Variants in RCL1 observed in about 807,000 individuals in gnomAD.
RCL1 encodes RNA terminal phosphate cyclase like 1, also known as RNA 3'-terminal phosphate cyclase-like protein.
In RCL1, 24 loss-of-function variants were observed where a neutral mutation model predicts 42.4. That is an observed-to-expected ratio of 0.57 (90% CI 0.41 to 0.80). The LOEUF is 0.80. RCL1 is among the 30% of genes least tolerant of loss of function. The probability of loss-of-function intolerance (pLI) is 0.00; values close to 1 mark genes in which losing one functional copy is unlikely to be tolerated. For missense variants in RCL1, 578 were observed against 467.9 expected, an observed-to-expected ratio of 1.24 and a Z score of -2.17; for synonymous variants, 228 against 177.3, an observed-to-expected ratio of 1.29 and a Z score of -2.27.
At chr9:4,840,965 G>A (rs993769067) in intron 5 of RCL1, among the ~76,000 whole-genome samples, 2 of 152,084 alleles carry the variant, frequency 1.3e-5, no homozygotes, top group South Asian at 4.1e-4. Flanking sequence ...TAGGGGAAGC[G>A]TGTGGGTAGG....
In RCL1 at chr9:4,849,437, G is replaced by A. The variant is rs1376962588; in HGVS notation, c.868-10G>A. 6.2e-7 allele frequency: 1 copy of A among 1,600,148 alleles called. No homozygotes were observed. The highest frequency in any genetic ancestry group is 8.6e-7 in the Non-Finnish European group (1 of 1,168,590). On this transcript the variant is annotated splice_polypyrimidine_tract_variant and intron_variant, in intron 7 of 8. Transcript: ENST00000381750. ...TTCTGGTTTGTACAATTATTAATTT[G>A]TGTTTACAGGGTGGATGCGTAGACT...
rs182275229 is a variant in RCL1 at position 4,836,563 on chromosome 9, G to A, written c.584+2298G>A. 5.3e-5 allele frequency among the ~76,000 whole-genome samples: 8 copies of A among 151,646 alleles called. No homozygotes were observed. The East Asian group carries it at 1.4e-3, about 26-fold the overall frequency. On this transcript the variant is annotated intron_variant, in intron 5 of 8. Transcript: ENST00000381750. ...ATCTGGGTGGGAGCAGGTGTTGGAGGCCGTAGAGCAAGACAGGCTGTGGGA... is the reference window on the plus strand; with the variant it reads ...ATCTGGGTGGGAGCAGGTGTTGGAGACCGTAGAGCAAGACAGGCTGTGGGA...
In RCL1 at chr9:4,826,932, A is replaced by C; in HGVS notation, c.283A>C (p.Ile95Leu). The C allele has an allele frequency of 1.9e-6, 3 of 1,614,114 alleles. No homozygotes were observed. Among genetic ancestry groups the C allele is most frequent in the Non-Finnish European group, 2.5e-6 (3 of 1,180,010 alleles). The change falls in exon 3 of 9, where the codon ATT (isoleucine) becomes CTT (leucine). Residue 95 changes from isoleucine (I) to leucine (L), a missense_variant. Physicochemically the swap from Ile to Leu is conservative, Grantham distance 5. Transcript: ENST00000381750. Reference sequence around the variant, plus strand: ...ACATGACTGTAGCGTCCTTCGTGGCATTGGGTATTACCTGGAGAGTCTTCT... The same window carrying C: ...ACATGACTGTAGCGTCCTTCGTGGCCTTGGGTATTACCTGGAGAGTCTTCT... ...VEHDCSVLRG[I>L]GYYLESLLCL...
In RCL1 at chr9:4,838,744, A is replaced by C. The variant is rs530817734; in HGVS notation, c.585-2488A>C. Among the ~76,000 whole-genome samples the C allele has an allele frequency of 7.1e-4, 108 of 152,280 alleles. 1 individual carries two copies. Among genetic ancestry groups the C allele is most frequent in the African/African-American group, 2.3e-3 (97 of 41,562 alleles). On this transcript the variant is annotated intron_variant, in intron 5 of 8. Transcript: ENST00000381750. ...CTTTAGGAGGTTCATAAACCTGAAA[A>C]ATTTTCTGCAAGATTGTGAGTATAT...
At chr9:4,851,885 C>CTTTTATTT (rs1554642778) in intron 8 of RCL1, among the ~76,000 whole-genome samples, 1 of 124,464 alleles carries the variant, frequency 8.0e-6, no homozygotes, top group African/African-American at 3.0e-5. Flanking sequence ...GTGTGAAACT[C>CTTTTATTT]TTTTTTTTTT....
intron 2 of RCL1, among the ~76,000 whole-genome samples, chr9:4,825,099 G>C (rs1488875419): frequency 1.3e-5 from 2 of 149,798 alleles, no homozygotes; most frequent in African/African-American, 4.9e-5. Flanking sequence ...TTTTTTAGTA[G>C]AGACAGGGTG....
intron 1 of RCL1, among the ~76,000 whole-genome samples, chr9:4,817,606 C>T (rs1816429995): frequency 6.6e-6 from 1 of 151,934 alleles, no homozygotes; most frequent in African/African-American, 2.4e-5. Context: ...TACCTCAACC[C>T]TGCCCCCCTG....
chr9:4,829,719 G>A (rs1023408087), intron 3 of RCL1, among the ~76,000 whole-genome samples: 28 of 152,236 alleles, frequency 1.8e-4, no homozygotes, highest in African/African-American at 6.7e-4. Context: ...CGGTGGTGGT[G>A]GTTGTTGGTA....
intron 1 of RCL1, among the ~76,000 whole-genome samples, chr9:4,798,878 CT>C (rs33938649): frequency 0.92 from 128,943 of 139,924 alleles, 59,776 homozygotes; most frequent in East Asian, 0.99. Flanking sequence ...AAGACTTCTT[CT>C]TTTTTTTTTT....
At chr9:4,802,074 A>ATTTTTTTCTT (rs1843011855) in intron 1 of RCL1, among the ~76,000 whole-genome samples, 1 of 95,458 alleles carries the variant, frequency 1.0e-5, no homozygotes, top group African/African-American at 3.8e-5. Flanking sequence ...ACGCCTGGCT[A>ATTTTTTTCTT]TTTTTTTTTT....
intron 6 of RCL1, 51 bp downstream of exon 6, chr9:4,841,408 G>T: frequency 6.8e-7 from 1 of 1,469,104 alleles, no homozygotes; most frequent in Non-Finnish European, 9.4e-7. Flanking sequence ...TCACATGCCT[G>T]TTCTAGTTGA....
chr9:4,849,975 C>CAA (rs1817670375), intron 8 of RCL1, among the ~76,000 whole-genome samples: 1 of 152,016 alleles, frequency 6.6e-6, no homozygotes, highest in African/African-American at 2.4e-5. Context: ...TGACAAAAGA[C>CAA]AGAGTTTGTA....
chr9:4,834,789 A>C (rs1817066927), intron 5 of RCL1, among the ~76,000 whole-genome samples: 1 of 152,178 alleles, frequency 6.6e-6, no homozygotes, highest in Non-Finnish European at 1.5e-5. Context: ...TTCAGTAGTC[A>C]CTTTACATGC....
chr9:4,844,171 G>A (rs1232568971), intron 6 of RCL1, among the ~76,000 whole-genome samples: 1 of 152,302 alleles, frequency 6.6e-6, no homozygotes, highest in South Asian at 2.1e-4. Flanking sequence ...TATTGTGTGA[G>A]CGTGTGTTGA....
intron 1 of RCL1, among the ~76,000 whole-genome samples, chr9:4,813,804 A>G (rs1167812316): frequency 6.6e-6 from 1 of 152,228 alleles, no homozygotes; most frequent in Non-Finnish European, 1.5e-5. Flanking sequence ...TCCATCAGTG[A>G]TAGACCGGAT....
At position 4,827,306 on chromosome 9, in the gene RCL1, TG is replaced by T. The variant is rs1430851645; in HGVS notation, c.384+274del. The stretch of plus-strand genomic sequence containing the variant: ...CAGATGCTCTCCGTCTCATCATAGT[TG>T]ACATGAACTATAGTTCTGCTGGCTG... On this transcript the variant is annotated intron_variant, in intron 3 of 8. Coordinates refer to ENST00000381750, the MANE Select transcript of RCL1 (RefSeq NM_005772.5). The T allele has an allele frequency of 3.4e-6, 4 of 1,165,354 alleles. No individual in the cohort carries two copies. The African/African-American group carries it at 6.2e-5, about 18-fold the overall frequency. The allele number at this position is 1,165,354 out of a possible 1,614,324, so 72.2% of individuals were successfully genotyped here. A position where few individuals can be genotyped will look rare whatever the true frequency, so the allele number is the denominator to read the frequency against.
At position 4,793,207 on chromosome 9, in the gene RCL1, A is replaced by G. The variant is rs1842858156; in HGVS notation, c.116A>G (p.Asp39Gly). Reference protein sequence around the residue: ...PVKIRKIRARDDNPGLRDFEA... With the variant: ...PVKIRKIRARGDNPGLRDFEA... ...AAAATCCGAAAGATTCGGGCCAGAGACGACAACCCGGGCCTCCGAGGTAAC... is the reference window on the plus strand; with the variant it reads ...AAAATCCGAAAGATTCGGGCCAGAGGCGACAACCCGGGCCTCCGAGGTAAC... Residue 39 changes from aspartate to glycine, a missense_variant, in exon 1 of 9, where the codon GAC becomes GGC. Asp to Gly is a moderately conservative substitution (Grantham distance 94). Transcript: ENST00000381750. 1 of 1,604,772 alleles carries G rather than the reference A, an allele frequency of 6.2e-7. No individual in the cohort carries two copies. The highest frequency in any genetic ancestry group is 8.5e-7 in the Non-Finnish European group (1 of 1,175,830).
Position 4,841,348 on chromosome 9 carries a change from A to G in RCL1, c.701A>G (p.Asn234Ser), listed in dbSNP as rs747859614. The G allele has an allele frequency of 5.0e-6, 8 of 1,611,308 alleles. No homozygotes were observed. Among genetic ancestry groups the G allele is most frequent in the African/African-American group, 1.3e-5 (1 of 74,856 alleles). ...YIYTDHMKGV[N>S]SGKSPGFGLS... ...TACACAGATCACATGAAAGGAGTCA[A>G]CTCTGGGAAGTAAGTATCTGTGTTT... Residue 234 changes from asparagine (N) to serine (S), a missense_variant, in exon 6 of 9, where the codon AAC becomes AGC. Asn to Ser is a conservative substitution (Grantham distance 46). Transcript: ENST00000381750.
intron 1 of RCL1, among the ~76,000 whole-genome samples, chr9:4,801,843 G>C (rs1030989660): frequency 6.6e-6 from 1 of 151,372 alleles, no homozygotes; most frequent in Non-Finnish European, 1.5e-5. Context: ...TTTTTGTGTG[G>C]ATCTCTTTCT....
Sources: gnomAD v4.1 joint callset for allele counts (sites outside exome capture counted in the v4.1 genomes callset) on GRCh38, gnomAD v4.1.1 for gene constraint, MANE v1.5 for transcripts, NCBI Gene and HGNC (gene_info 2026-07-23, HGNC 2026-07-21) for gene names.